Variants in COL27A1 observed in about 807,000 individuals in gnomAD.
The protein encoded by COL27A1 is collagen type XXVII alpha 1 chain.
Under a neutral mutation model 251.3 loss-of-function variants are expected in COL27A1, and 106 were observed. The observed-to-expected ratio is 0.42, with a 90% CI of 0.36 to 0.50. The LOEUF (loss-of-function observed/expected upper bound fraction) is 0.50, where lower values mean the gene tolerates loss of function less well. Ranked by LOEUF, COL27A1 falls within the 20% of genes least tolerant of loss-of-function variation. The pLI, the probability that COL27A1 is intolerant of heterozygous loss-of-function variation, is 0.00. For synonymous variants in COL27A1, 1,000 were observed against 986.3 expected (o/e 1.01, Z -0.26); for missense variants, 2,325 against 2,522.8 (o/e 0.92, Z 1.68).
chr9:114,232,529 A>T (rs886479531), intron 16 of COL27A1, among the ~76,000 whole-genome samples: 2 of 152,160 alleles, frequency 1.3e-5, no homozygotes, highest in Non-Finnish European at 2.9e-5. Context: ...GCCTCTTCAG[A>T]CCTTGGCAAA....
chr9:114,225,868 G>C lies in COL27A1; in HGVS notation c.2466+3601G>C, dbSNP rs569833215. On this transcript the variant is annotated intron_variant, in intron 14 of 60. Coordinates refer to ENST00000356083, the MANE Select transcript of COL27A1 (RefSeq NM_032888.4). ...ACAAACTAACATTTATTGAGCGTCT[G>C]TCTGCTATGTGTGCAACACATGCAC... 5.9e-5 allele frequency among the ~76,000 whole-genome samples: 9 copies of C among 152,330 alleles called. No homozygotes were observed. The East Asian group carries it at 1.5e-3, about 26-fold the overall frequency.
intron 9 of COL27A1, 93 bp from the exon 10 acceptor site, chr9:114,206,159 A>T: frequency 8.2e-7 from 1 of 1,223,926 alleles, no homozygotes; most frequent in Non-Finnish European, 1.2e-6. Flanking sequence ...CAAAGAGAGC[A>T]GCAGAGGCCC....
chr9:114,208,425 G>C (rs1336807894), intron 10 of COL27A1, among the ~76,000 whole-genome samples: 2 of 152,002 alleles, frequency 1.3e-5, no homozygotes, highest in Non-Finnish European at 2.9e-5. Flanking sequence ...CTCCAGCCTG[G>C]ATGACAGAGC....
intron 3 of COL27A1, among the ~76,000 whole-genome samples, chr9:114,175,145 C>G (rs1387862215): frequency 1.3e-5 from 1 of 79,676 alleles, no homozygotes; most frequent in East Asian, 5.4e-4. Flanking sequence ...TTGGGGGAAG[C>G]CCCGAGGGGT....
chr9:114,236,127 G>A (rs909458034), intron 17 of COL27A1, among the ~76,000 whole-genome samples: 6 of 151,816 alleles, frequency 4.0e-5, no homozygotes, highest in African/African-American at 9.7e-5. Flanking sequence ...CTACCCGCCC[G>A]GGACCCCCTC....
intron 26 of COL27A1, 79 bp downstream of exon 26, chr9:114,252,725 T>C: frequency 8.9e-6 from 13 of 1,456,766 alleles, no homozygotes; most frequent in Non-Finnish European, 1.1e-5. Flanking sequence ...CATGAACCGC[T>C]TACCCCAGAC....
At chr9:114,297,125 G>A (rs1828308451) in intron 49 of COL27A1, among the ~76,000 whole-genome samples, 2 of 152,216 alleles carry the variant, frequency 1.3e-5, no homozygotes, top group Non-Finnish European at 2.9e-5. Flanking sequence ...TGTCTTGGTT[G>A]TTGTGACAAT....
At chr9:114,182,555 C>T (rs960133783) in intron 4 of COL27A1, among the ~76,000 whole-genome samples, 4 of 151,620 alleles carry the variant, frequency 2.6e-5, no homozygotes, top group Non-Finnish European at 5.9e-5. Context: ...GTACCAGATA[C>T]GTGGGAGGGA....
intron 32 of COL27A1, among the ~76,000 whole-genome samples, chr9:114,266,019 G>T (rs146842478): frequency 2.0e-5 from 3 of 152,174 alleles, no homozygotes; most frequent in African/African-American, 4.8e-5. Flanking sequence ...GGACAGGTGT[G>T]GGGGGACAGT....
chr9:114,163,665 G>A (rs887565619), intron 2 of COL27A1, among the ~76,000 whole-genome samples: 7 of 152,342 alleles, frequency 4.6e-5, no homozygotes, highest in South Asian at 2.1e-4. Context: ...CAGGCAGCCC[G>A]GCACGCCGGG....
At chr9:114,249,210 T>C (rs1482149981) in intron 24 of COL27A1, among the ~76,000 whole-genome samples, 1 of 152,214 alleles carries the variant, frequency 6.6e-6, no homozygotes, top group Non-Finnish European at 1.5e-5. Context: ...TTGAAGCCGT[T>C]GTTATAATAT....
chr9:114,167,896 T>G lies in COL27A1; in HGVS notation c.341T>G (p.Leu114Arg). 1 of 1,613,028 alleles carries G rather than the reference T, an allele frequency of 6.2e-7. No homozygotes were observed. Residue 114 changes from leucine (L) to arginine (R), a missense_variant, in exon 3 of 61, where the codon CTC (leucine) becomes CGC (arginine). Physicochemically the swap from Leu to Arg is moderately radical, Grantham distance 102. This residue lies in a region of COL27A1 where 1,183 missense variants were observed against 1,144.1 expected (regional missense o/e 1.03). Transcript: ENST00000356083. ...TCCCACCGGGTGAACCATGCCTTCC[T>G]CTTCGCTGTCCGCAGCCAGAAACGC... ...LCSHRVNHAF[L>R]FAVRSQKRKL...
chr9:114,209,943 G>A (rs1183160698), intron 11 of COL27A1, among the ~76,000 whole-genome samples: 1 of 152,224 alleles, frequency 6.6e-6, no homozygotes, highest in Non-Finnish European at 1.5e-5. Context: ...GTAACTTGGC[G>A]AGTTTAACAC....
rs1311908347 is a variant in COL27A1, at chr9:114,282,350, T to A, written c.3771+20T>A. ...GCCAAGGTAGGTGTCCCCTTCTGAC[T>A]TGATAGGCCTGCGTCCCTCCCCCGC... On this transcript the variant is annotated intron_variant, in intron 38 of 60. Transcript: ENST00000356083. The A allele has an allele frequency of 6.2e-7, 1 of 1,613,938 alleles. No individual in the cohort carries two copies. Among genetic ancestry groups the A allele is most frequent in the South Asian group, 1.1e-5 (1 of 91,080 alleles).
rs148207312 is a variant in COL27A1, at chr9:114,213,644, G to A, written c.2367+2618G>A. On this transcript the variant is annotated intron_variant, in intron 12 of 60. Coordinates refer to ENST00000356083, the MANE Select transcript of COL27A1 (RefSeq NM_032888.4). ...GAAGAAGGCATGGTTGCCACCCTAA[G>A]TCCCCTGCAAGTGAAAGGAAGCAAC... 7.9e-5 allele frequency among the ~76,000 whole-genome samples: 12 copies of A among 152,274 alleles called. No individual in the cohort carries two copies. In the East Asian group the frequency reaches 2.3e-3, roughly 29 times the overall value.
rs1288805556 is a variant in COL27A1, at chr9:114,194,385, G to A, written c.2017-19G>A. The A allele has an allele frequency of 6.2e-7, 1 of 1,613,104 alleles. No homozygotes were observed. The highest frequency in any genetic ancestry group is 1.3e-5 in the African/African-American group (1 of 74,880). On this transcript the variant is annotated intron_variant, in intron 5 of 60. Coordinates refer to ENST00000356083, the MANE Select transcript of COL27A1 (RefSeq NM_032888.4). ...TTCTAGATGACTTGGTGGCCAAAGT[G>A]GAATTGTTTTTGTTTCAGGGACAGA...
At chr9:114,284,049 T>A (rs374537660) in intron 40 of COL27A1, among the ~76,000 whole-genome samples, 15 of 152,194 alleles carry the variant, frequency 9.9e-5, no homozygotes, top group African/African-American at 3.6e-4. Flanking sequence ...CCTTGTCTGC[T>A]GTCTGGGGAA....
intron 5 of COL27A1, among the ~76,000 whole-genome samples, chr9:114,186,479 A>G (rs567641430): frequency 2.6e-5 from 4 of 152,172 alleles, no homozygotes; most frequent in Non-Finnish European, 5.9e-5. Context: ...GACTTACACC[A>G]TGATTAGGTC....
chr9:114,226,796 A>G (rs1352296520), intron 14 of COL27A1, among the ~76,000 whole-genome samples: 3 of 152,208 alleles, frequency 2.0e-5, no homozygotes, highest in Admixed American at 6.5e-5. Flanking sequence ...GCCCTGTGCT[A>G]GGCACTGGGA....
Sources: gnomAD v4.1 joint callset for allele counts (sites outside exome capture counted in the v4.1 genomes callset) on GRCh38, gnomAD v4.1.1 for gene constraint, gnomAD v4.1.1 regional missense constraint, MANE v1.5 for transcripts, NCBI Gene and HGNC (gene_info 2026-07-23, HGNC 2026-07-21) for gene names.